Variants in CSGALNACT2 observed in about 807,000 individuals in gnomAD.
The protein encoded by CSGALNACT2 is beta 4 GalNAcT-2.
Under a neutral mutation model 55.3 loss-of-function variants are expected in CSGALNACT2, and 35 were observed. The observed-to-expected ratio is 0.63, with a 90% CI of 0.48 to 0.84. The LOEUF (loss-of-function observed/expected upper bound fraction) is 0.84. CSGALNACT2 is among the 40% of genes least tolerant of loss of function. The probability of loss-of-function intolerance (pLI) is 0.00; values close to 1 mark genes in which losing one functional copy is unlikely to be tolerated. For synonymous variants in CSGALNACT2, 196 were observed against 224.9 expected, an observed-to-expected ratio of 0.87 and a Z score of 1.15; for missense variants, 544 against 657.5, an observed-to-expected ratio of 0.83 and a Z score of 1.89.
chr10:43,150,138 T>C (rs1353533564), intron 1 of CSGALNACT2, among the ~76,000 whole-genome samples: 1 of 152,242 alleles, frequency 6.6e-6, no homozygotes, highest in African/African-American at 2.4e-5. Context: ...GCCTGGACTT[T>C]TCATTGTGAG....
At chr10:43,170,600 G>A (rs1180034517) in intron 6 of CSGALNACT2, among the ~76,000 whole-genome samples, 1 of 152,132 alleles carries the variant, frequency 6.6e-6, no homozygotes, top group Non-Finnish European at 1.5e-5. Context: ...GATAAATATT[G>A]AGTGACTAGA....
intron 6 of CSGALNACT2, among the ~76,000 whole-genome samples, chr10:43,170,653 A>C (rs911265298): frequency 6.6e-6 from 1 of 152,218 alleles, no homozygotes; most frequent in African/African-American, 2.4e-5. Flanking sequence ...CAGAATTCCA[A>C]ATAACTTATG....
At chr10:43,165,181 C>T (rs928965315) in intron 5 of CSGALNACT2, among the ~76,000 whole-genome samples, 1 of 151,412 alleles carries the variant, frequency 6.6e-6, no homozygotes, top group Non-Finnish European at 1.5e-5. Context: ...GCTGAGATTG[C>T]GCCACTGCAC....
chr10:43,168,801 G>A (rs983216509), intron 6 of CSGALNACT2, among the ~76,000 whole-genome samples: 3 of 152,040 alleles, frequency 2.0e-5, no homozygotes, highest in East Asian at 1.9e-4. Context: ...CATATCTGAC[G>A]GTGAATTATT....
chr10:43,158,691 T>C, intron 2 of CSGALNACT2, 24 bp from the exon 3 acceptor site: 5 of 1,397,818 alleles, frequency 3.6e-6, no homozygotes, highest in Non-Finnish European at 5.1e-6. Flanking sequence ...TGGAGACGTC[T>C]TTGTTCCTAA....
In CSGALNACT2 at chr10:43,184,704, GAC is replaced by G. The variant is rs1165409444; in HGVS notation, c.*1164_*1165del. 1 of 152,106 alleles carries G rather than the reference GAC, an allele frequency of 6.6e-6. No individual in the cohort carries two copies. Among genetic ancestry groups the G allele is most frequent in the Non-Finnish European group, 1.5e-5 (1 of 68,010 alleles). 9.4% of individuals were successfully genotyped at this position (152,106 alleles called of 1,614,324 possible). A position where few individuals can be genotyped will look rare whatever the true frequency, so the allele number is the denominator to read the frequency against. On this transcript the variant is annotated 3_prime_UTR_variant, in exon 8 of 8. Coordinates refer to ENST00000374466, the MANE Select transcript of CSGALNACT2 (RefSeq NM_018590.5). Reference sequence around the variant, plus strand: ...TTTTAATTGAGGTATAAATTAATGAGACAAAGTGAAAAAGAAATTATATTCAG... The same window carrying G: ...TTTTAATTGAGGTATAAATTAATGAGAAAGTGAAAAAGAAATTATATTCAG...
chr10:43,184,286 T>G lies in CSGALNACT2; in HGVS notation c.*744T>G, dbSNP rs1839649798. 1 of 152,172 alleles carries G rather than the reference T, an allele frequency of 6.6e-6. No individual in the cohort carries two copies. Among genetic ancestry groups the G allele is most frequent in the Non-Finnish European group, 1.5e-5 (1 of 68,026 alleles). The allele number at this position is 152,172 out of a possible 1,614,324, so 9.4% of individuals were successfully genotyped here. A position where few individuals can be genotyped will look rare whatever the true frequency, so the allele number is the denominator to read the frequency against. On this transcript the variant is annotated 3_prime_UTR_variant, in exon 8 of 8. Coordinates refer to ENST00000374466, the MANE Select transcript of CSGALNACT2 (RefSeq NM_018590.5). Reference sequence around the variant, plus strand: ...CAAACAGAAAAGAACACGGAAACATTTTTAACAGAGCATTTAATTATGTTG... The same window carrying G: ...CAAACAGAAAAGAACACGGAAACATGTTTAACAGAGCATTTAATTATGTTG...
intron 1 of CSGALNACT2, among the ~76,000 whole-genome samples, chr10:43,139,873 A>G (rs1466296354): frequency 6.6e-6 from 1 of 152,218 alleles, no homozygotes; most frequent in Admixed American, 6.5e-5. Flanking sequence ...TATGTTCCCA[A>G]TTTTTGTATA....
At chr10:43,177,689 T>A (rs193251706) in intron 7 of CSGALNACT2, among the ~76,000 whole-genome samples, 2 of 152,268 alleles carry the variant, frequency 1.3e-5, no homozygotes, top group African/African-American at 2.4e-5. Flanking sequence ...TTGAGTTGTT[T>A]CTACTTTTTG....
At chr10:43,161,260 A>T (rs1454964929) in intron 4 of CSGALNACT2, among the ~76,000 whole-genome samples, 1 of 152,122 alleles carries the variant, frequency 6.6e-6, no homozygotes, top group Non-Finnish European at 1.5e-5. Context: ...ATTCTTTTTC[A>T]TTGCTTTTTT....
At chr10:43,174,353 T>C (rs537660964) in intron 6 of CSGALNACT2, among the ~76,000 whole-genome samples, 2 of 152,294 alleles carry the variant, frequency 1.3e-5, no homozygotes, top group Non-Finnish European at 2.9e-5. Context: ...CCCACTCTTC[T>C]CAAAATTTGT....
chr10:43,165,788 G>A (rs7914773), intron 5 of CSGALNACT2, among the ~76,000 whole-genome samples: 4,444 of 152,172 alleles, frequency 0.029, 163 homozygotes, highest in East Asian at 0.096. Flanking sequence ...TCGGGAGTTC[G>A]ATACCAGCCT....
rs754395659 is a variant in CSGALNACT2 at position 43,160,560 on chromosome 10, G to A, written c.945G>A (p.Leu315=). ...TGGTGTATTTTGGTAAAGAAGGACT[G>A]TCTAAAGTCAAGTCTATCCTAGAAT... ...LTVVYFGKEG[L]SKVKSILESV... Residue 315 remains leucine (L), a synonymous_variant, in exon 4 of 8, where the codon CTG becomes CTA. Transcript: ENST00000374466. 4.4e-6 allele frequency: 7 copies of A among 1,590,512 alleles called. No individual in the cohort carries two copies. The highest frequency in any genetic ancestry group is 2.2e-5 in the East Asian group (1 of 44,722).
chr10:43,167,549 TTTTATG>T (rs1449448486), intron 6 of CSGALNACT2, among the ~76,000 whole-genome samples: 3 of 152,200 alleles, frequency 2.0e-5, no homozygotes, highest in Non-Finnish European at 4.4e-5. Context: ...CCAAAGCTAA[TTTTATG>T]TAAGTTTTTT....
Position 43,183,564 on chromosome 10 carries a change from G to C in CSGALNACT2, c.*22G>C. 1 of 1,600,292 alleles carries C rather than the reference G, an allele frequency of 6.2e-7. No homozygotes were observed. The highest frequency in any genetic ancestry group is 8.6e-7 in the Non-Finnish European group (1 of 1,168,100). ...TTGAAATCATAATTAATGCGTTACT[G>C]TATGAACCACAAAACAGCACTATTT... On this transcript the variant is annotated 3_prime_UTR_variant, in exon 8 of 8. Coordinates refer to ENST00000374466, the MANE Select transcript of CSGALNACT2 (RefSeq NM_018590.5).
chr10:43,151,477 C>G (rs1287724067), intron 1 of CSGALNACT2, among the ~76,000 whole-genome samples: 1 of 152,108 alleles, frequency 6.6e-6, no homozygotes, highest in Admixed American at 6.5e-5. Flanking sequence ...CTGAGGTTTT[C>G]CAGTCTGTCT....
chr10:43,164,424 C>G (rs1253965354), intron 5 of CSGALNACT2, among the ~76,000 whole-genome samples: 1 of 152,134 alleles, frequency 6.6e-6, no homozygotes, highest in African/African-American at 2.4e-5. Flanking sequence ...TCCACACATG[C>G]AAAAATACCC....
At chr10:43,154,696 C>T (rs1199484130) in intron 1 of CSGALNACT2, among the ~76,000 whole-genome samples, 1 of 150,884 alleles carries the variant, frequency 6.6e-6, no homozygotes, top group African/African-American at 2.4e-5. Context: ...CACTGCATTC[C>T]AGCCTGGGTG....
chr10:43,149,892 A>AC (rs1350148318), intron 1 of CSGALNACT2, among the ~76,000 whole-genome samples: 1 of 152,056 alleles, frequency 6.6e-6, no homozygotes, highest in African/African-American at 2.4e-5. Context: ...ACATGGAGAA[A>AC]CCCCATCTCT....
Sources: allele counts gnomAD v4.1 joint callset (sites outside exome capture counted in the v4.1 genomes callset), GRCh38; gene constraint gnomAD v4.1.1; transcripts MANE v1.5; gene names NCBI Gene and HGNC (gene_info 2026-07-23, HGNC 2026-07-21).